SPTBN4: variants seen among roughly 807,000 people sequenced by gnomAD.
SPTBN4 encodes the protein spectrin beta, non-erythrocytic 4.
SPTBN4 carries 96 observed loss-of-function variants against 277.8 expected under a neutral mutation model. The observed-to-expected ratio is 0.35, with a 90% CI of 0.29 to 0.41. The LOEUF (loss-of-function observed/expected upper bound fraction) is 0.41. SPTBN4 is among the 10% of genes least tolerant of loss of function. SPTBN4 has a pLI of 1.00. For synonymous variants in SPTBN4, 1,481 were observed against 1,580.3 expected, an observed-to-expected ratio of 0.94 and a Z score of 1.49; for missense variants, 3,006 against 3,595.7, an observed-to-expected ratio of 0.84 and a Z score of 4.19.
chr19:40,515,914 C>CACACACATATATAT lies in SPTBN4; in HGVS notation c.2903+480_2903+493dup, dbSNP rs137870625. 0.023 allele frequency among the ~76,000 whole-genome samples: 2,842 copies of CACACACATATATAT among 125,854 alleles called. 508 individuals carry two copies. The highest frequency in any genetic ancestry group is 0.056 in the African/African-American group (1,598 of 28,392). 82.6% of individuals were successfully genotyped at this position (125,854 alleles called of 152,430 possible). The stretch of plus-strand genomic sequence containing the variant: ...CACACACACACAAAATATATATATA[C>CACACACATATATAT]ACACACATATATATACACACATATA... On this transcript the variant is annotated intron_variant, in intron 15 of 35. Coordinates refer to ENST00000598249, the MANE Select transcript of SPTBN4 (RefSeq NM_020971.3). This position sits in a 1 kb window ranked among gnomAD's most constrained non-coding sequence, Gnocchi z 4.1.
In SPTBN4 at chr19:40,575,581, C is replaced by G; in HGVS notation, c.*12C>G. The G allele has an allele frequency of 6.2e-7, 1 of 1,602,948 alleles. No individual in the cohort carries two copies. The highest frequency in any genetic ancestry group is 1.3e-5 in the African/African-American group (1 of 74,894). ...GGCGCAGGAAGTGACTTCCCACCCC[C>G]AGGACCTGACACATCTCGTCTCCCC... is the stretch of plus-strand genomic sequence containing the variant. On this transcript the variant is annotated 3_prime_UTR_variant, in exon 36 of 36. Coordinates refer to ENST00000598249, the MANE Select transcript of SPTBN4 (RefSeq NM_020971.3).
chr19:40,567,471 GTTTGCCGGAGAGAATAGGCT>G (rs950914457), intron 30 of SPTBN4, among the ~76,000 whole-genome samples, 172 bp from the exon 31 acceptor site: 4 of 152,150 alleles, frequency 2.6e-5, no homozygotes, highest in Non-Finnish European at 5.9e-5. Flanking sequence ...AGCAATAGGT[GTTTGCCGGAGAGAATAGGCT>G]TTAAGTTCTT....
chr19:40,516,229 C>A (rs1254851234), intron 15 of SPTBN4, among the ~76,000 whole-genome samples: 1 of 124,608 alleles, frequency 8.0e-6, no homozygotes, highest in Non-Finnish European at 1.6e-5. Flanking sequence ...TAGAGCCAGA[C>A]CTTGTCTCAA....
At chr19:40,511,830 A>G (rs1193708082) in intron 13 of SPTBN4, among the ~76,000 whole-genome samples, 1 of 152,194 alleles carries the variant, frequency 6.6e-6, no homozygotes, top group Non-Finnish European at 1.5e-5. Context: ...ATGGTTTAAG[A>G]AAAGAGAAGT....
At chr19:40,479,000 C>G (rs553081531) in intron 2 of SPTBN4, among the ~76,000 whole-genome samples, 45 of 152,332 alleles carry the variant, frequency 3.0e-4, no homozygotes, top group African/African-American at 9.6e-4. Context: ...TGATGCTGCT[C>G]TCCTGCTGAA....
chr19:40,557,225 C>A lies in SPTBN4; in HGVS notation c.5492C>A (p.Ala1831Asp), dbSNP rs1203777040. The A allele has an allele frequency of 1.2e-6, 2 of 1,611,018 alleles. No homozygotes were observed. The highest frequency in any genetic ancestry group is 1.7e-6 in the Non-Finnish European group (2 of 1,177,872). The change falls in exon 26 of 36, where the codon GCC becomes GAC. Residue 1831 changes from alanine (A) to aspartate (D), a missense_variant. By Grantham distance (126) the Ala-to-Asp change is moderately radical (BLOSUM62 -2). This residue lies in a region of SPTBN4 where 425 missense variants were observed against 594.7 expected (regional missense o/e 0.71). Coordinates refer to ENST00000598249, the MANE Select transcript of SPTBN4 (RefSeq NM_020971.3). ...ATGGGCACACGGGCCCAGCTGCTGG[C>A]CGCCTCTCGGGAGCTTCATAAGTTC... The part of the protein sequence containing the change: ...ELMGTRAQLL[A>D]ASRELHKFFS...
chr19:40,529,945 G>C (rs1257899219), intron 18 of SPTBN4, among the ~76,000 whole-genome samples: 1 of 151,956 alleles, frequency 6.6e-6, no homozygotes, highest in Non-Finnish European at 1.5e-5. Context: ...TCCCCCCTAT[G>C]TTGAACACCC....
In SPTBN4 at chr19:40,509,536, C is replaced by T. The variant is rs114482673; in HGVS notation, c.1817-3070C>T. On this transcript the variant is annotated intron_variant, in intron 13 of 35. Coordinates refer to ENST00000598249, the MANE Select transcript of SPTBN4 (RefSeq NM_020971.3). ...CTGGGATTACAGGTGTGAGGCACTG[C>T]GCTTGGCCTGTGAGATTATTTATAC... Among the ~76,000 whole-genome samples, 554 of 152,284 alleles carry T rather than the reference C, an allele frequency of 3.6e-3. 7 individuals are homozygous for T. Among genetic ancestry groups the T allele is most frequent in the African/African-American group, 0.013 (530 of 41,560 alleles).
At chr19:40,538,281 C>G (rs931610817) in intron 20 of SPTBN4, among the ~76,000 whole-genome samples, 1 of 151,802 alleles carries the variant, frequency 6.6e-6, no homozygotes, top group Non-Finnish European at 1.5e-5. Flanking sequence ...CCCAGCTACT[C>G]GGGAGGCTGG....
chr19:40,540,142 G>A (rs918227862), intron 20 of SPTBN4, among the ~76,000 whole-genome samples: 1 of 151,614 alleles, frequency 6.6e-6, no homozygotes, highest in Non-Finnish European at 1.5e-5. Context: ...GTCCAGGCTG[G>A]TCCCAAACTC....
intron 12 of SPTBN4, among the ~76,000 whole-genome samples, chr19:40,504,910 A>T (rs1245026459): frequency 6.6e-6 from 1 of 152,130 alleles, no homozygotes; most frequent in Non-Finnish European, 1.5e-5. Flanking sequence ...TAAACCAGGG[A>T]TGCAGACAGA....
Position 40,534,171 on chromosome 19 carries a change from A to G in SPTBN4, c.4187A>G (p.Glu1396Gly), listed in dbSNP as rs955677302. ...GEIRQCWAEL[E>G]STTQAKARQL... ...ATCCGCCAGTGCTGGGCGGAGCTGG[A>G]GAGCACCACCCAGGCCAAGGCACGG... The change falls in exon 20 of 36, where the codon GAG becomes GGG. Residue 1396 changes from glutamate (E) to glycine (G), a missense_variant. By Grantham distance (98) the Glu-to-Gly change is moderately conservative. Coordinates refer to ENST00000598249, the MANE Select transcript of SPTBN4 (RefSeq NM_020971.3). The G allele has an allele frequency of 1.2e-6, 2 of 1,613,752 alleles. No individual in the cohort carries two copies. Among genetic ancestry groups the G allele is most frequent in the Non-Finnish European group, 1.7e-6 (2 of 1,179,840 alleles).
At chr19:40,509,719 C>G (rs1303476411) in intron 13 of SPTBN4, among the ~76,000 whole-genome samples, 2 of 152,202 alleles carry the variant, frequency 1.3e-5, no homozygotes, top group Non-Finnish European at 2.9e-5. Flanking sequence ...CCTCCTTTAT[C>G]TGGAGCCCAC....
chr19:40,565,575 A>G lies in SPTBN4; in HGVS notation c.6054+14A>G, dbSNP rs1239781562. The G allele has an allele frequency of 1.9e-6, 3 of 1,611,646 alleles. No homozygotes were observed. The highest frequency in any genetic ancestry group is 2.7e-5 in the African/African-American group (2 of 74,874). On this transcript the variant is annotated intron_variant, in intron 28 of 35. Transcript: ENST00000598249. ...ATGGCTGATGAGGTGGGGAGCAGGG[A>G]GGGGGTCCCCCTCTGCCACCCGGGC...
intron 2 of SPTBN4, among the ~76,000 whole-genome samples, chr19:40,476,518 G>A (rs2079950118): frequency 6.6e-6 from 1 of 152,126 alleles, no homozygotes; most frequent in South Asian, 2.1e-4. Flanking sequence ...CCTTAAAAAG[G>A]TAGGAACATA....
chr19:40,538,304 G>C (rs2080761187), intron 20 of SPTBN4, among the ~76,000 whole-genome samples: 1 of 151,062 alleles, frequency 6.6e-6, no homozygotes, highest in Admixed American at 6.6e-5. Context: ...CATGAGAATC[G>C]CTTGAACTTG....
intron 18 of SPTBN4, among the ~76,000 whole-genome samples, chr19:40,531,460 GTTTGTTTTTTTT>G (rs2080670264): frequency 3.7e-5 from 3 of 81,452 alleles, no homozygotes; most frequent in African/African-American, 5.2e-5. Context: ...GGAGTCCAGT[GTTTGTTTTTTTT>G]TTTTTTTTTT....
At chr19:40,548,644 G>A (rs575864511) in intron 20 of SPTBN4, among the ~76,000 whole-genome samples, 1 of 152,076 alleles carries the variant, frequency 6.6e-6, no homozygotes, top group South Asian at 2.1e-4. Context: ...GAAGCCAGGA[G>A]GTGAAGGTTG....
At chr19:40,545,103 A>T (rs965630882) in intron 20 of SPTBN4, among the ~76,000 whole-genome samples, 15 of 150,498 alleles carry the variant, frequency 1.0e-4, no homozygotes, top group South Asian at 8.5e-4. Flanking sequence ...TTATTTAAAA[A>T]TTTTTTTTTC....
Sources: gnomAD v4.1 joint callset for allele counts (sites outside exome capture counted in the v4.1 genomes callset) on GRCh38, gnomAD v4.1.1 for gene constraint, gnomAD v4.1.1 regional missense constraint, Gnocchi (gnomAD v3.1) non-coding constraint, MANE v1.5 for transcripts, NCBI Gene and HGNC (gene_info 2026-07-23, HGNC 2026-07-21) for gene names.